ITGA8: variants seen among roughly 807,000 people sequenced by gnomAD.
ITGA8 encodes the protein integrin alpha-8.
ITGA8 carries 91 observed loss-of-function variants against 142.3 expected under a neutral mutation model. The observed-to-expected ratio is 0.64, with a 90% CI of 0.54 to 0.76. The LOEUF is 0.76. Among genes scored for constraint, ITGA8 ranks in the 30% least tolerant of loss-of-function variants. The probability of loss-of-function intolerance (pLI) is 0.00; values close to 1 mark genes in which losing one functional copy is unlikely to be tolerated. For synonymous variants in ITGA8, 505 were observed against 485.2 expected (o/e 1.04, Z -0.54); for missense variants, 1,406 against 1,327.7 (o/e 1.06, Z -0.92).
At position 15,659,426 on chromosome 10, in the gene ITGA8, C is replaced by A. The variant is rs149708639; in HGVS notation, c.892-371G>T. On this transcript the variant is annotated intron_variant, in intron 9 of 29. Coordinates refer to ENST00000378076, the MANE Select transcript of ITGA8 (RefSeq NM_003638.3). Reference sequence around the variant, plus strand: ...ATAAATTGATCATTATGGTTCTTTGCAAGAAAAATTAGATTTTAAAATGCT... The same window carrying A: ...ATAAATTGATCATTATGGTTCTTTGAAAGAAAAATTAGATTTTAAAATGCT... 7.8e-4 allele frequency among the ~76,000 whole-genome samples: 119 copies of A among 152,214 alleles called. 2 individuals carry two copies. In the East Asian group the frequency reaches 0.022, roughly 28 times the overall value.
At chr10:15,626,600 G>A (rs901931396) in intron 13 of ITGA8, among the ~76,000 whole-genome samples, 5 of 152,062 alleles carry the variant, frequency 3.3e-5, no homozygotes, top group South Asian at 4.1e-4. Flanking sequence ...TTCCCTTGTC[G>A]TGAAACAATG....
At chr10:15,674,140 G>A (rs1415957736) in intron 6 of ITGA8, among the ~76,000 whole-genome samples, 1 of 152,052 alleles carries the variant, frequency 6.6e-6, no homozygotes, top group Non-Finnish European at 1.5e-5. Flanking sequence ...AAGTGACTGG[G>A]ACTTGAAATG....
At position 15,597,702 on chromosome 10, in the gene ITGA8, A is replaced by G. The variant is rs546023982; in HGVS notation, c.2119-403T>C. On this transcript the variant is annotated intron_variant, in intron 20 of 29. Coordinates refer to ENST00000378076, the MANE Select transcript of ITGA8 (RefSeq NM_003638.3). ...ATGATCATAATGTGTATAGATTATC[A>G]TATGATTCAATGACCATTTGCCAGA... Among the ~76,000 whole-genome samples the G allele has an allele frequency of 3.9e-5, 6 of 152,336 alleles. No homozygotes were observed. The East Asian group carries it at 1.2e-3, about 29-fold the overall frequency.
At chr10:15,684,156 A>AT (rs1279157025) in intron 3 of ITGA8, 29 bp from the exon 4 acceptor site, 3 of 1,594,634 alleles carry the variant, frequency 1.9e-6, no homozygotes, top group Admixed American at 3.7e-5. Flanking sequence ...AAAAAAATAC[A>AT]TTTTTGATGT....
chr10:15,639,349 G>C (rs1833828537), intron 13 of ITGA8, among the ~76,000 whole-genome samples: 1 of 152,158 alleles, frequency 6.6e-6, no homozygotes, highest in African/African-American at 2.4e-5. Context: ...GAGCCGCCAA[G>C]AATCTAGGGT....
intron 20 of ITGA8, among the ~76,000 whole-genome samples, chr10:15,603,041 T>G (rs182740583): frequency 5.8e-4 from 88 of 152,258 alleles, no homozygotes; most frequent in African/African-American, 1.9e-3. Flanking sequence ...TGGAGTTTTT[T>G]TTTTCTTATA....
At chr10:15,697,550 T>C (rs1835080297) in intron 2 of ITGA8, among the ~76,000 whole-genome samples, 1 of 152,220 alleles carries the variant, frequency 6.6e-6, no homozygotes, top group South Asian at 2.1e-4. Context: ...AAGGACTAGA[T>C]AAATGTCTTA....
intron 27 of ITGA8, among the ~76,000 whole-genome samples, chr10:15,547,395 A>G (rs891126060): frequency 3.3e-5 from 5 of 152,196 alleles, no homozygotes; most frequent in African/African-American, 1.2e-4. Flanking sequence ...AATGTGGCAA[A>G]ACCCCATCTC....
Position 15,531,041 on chromosome 10 carries a change from G to T in ITGA8, c.2982+9C>A, listed in dbSNP as rs1407702762. On this transcript the variant is annotated intron_variant, in intron 28 of 29. Coordinates refer to ENST00000378076, the MANE Select transcript of ITGA8 (RefSeq NM_003638.3). ...TTATTTGTGCCTATATATATTTAAAGATACTCACTACTATGCTTCCTTCTG... is the reference window on the plus strand; with the variant it reads ...TTATTTGTGCCTATATATATTTAAATATACTCACTACTATGCTTCCTTCTG... 4 of 1,284,282 alleles carry T rather than the reference G, an allele frequency of 3.1e-6. No homozygotes were observed. Among genetic ancestry groups the T allele is most frequent in the Non-Finnish European group, 4.4e-6 (4 of 905,180 alleles). The allele number at this position is 1,284,282 out of a possible 1,614,324, so 79.6% of individuals were successfully genotyped here. A position where few individuals can be genotyped will look rare whatever the true frequency, so the allele number is the denominator to read the frequency against.
intron 26 of ITGA8, 25 bp from the exon 27 acceptor site, chr10:15,548,593 C>T: frequency 6.8e-7 from 1 of 1,473,768 alleles, no homozygotes; most frequent in Non-Finnish European, 9.5e-7. Flanking sequence ...GGGAACACGT[C>T]AGAGTCTTTA....
At position 15,691,147 on chromosome 10, in the gene ITGA8, C is replaced by T. The variant is rs1834927212; in HGVS notation, c.344-3109G>A. On this transcript the variant is annotated intron_variant, in intron 2 of 29. Coordinates refer to ENST00000378076, the MANE Select transcript of ITGA8 (RefSeq NM_003638.3). Reference sequence around the variant, plus strand: ...CAAATTAAACCTCTGTAAGACATCACTTGACCCGTGTTAGCAGGGCTATTA... The same window carrying T: ...CAAATTAAACCTCTGTAAGACATCATTTGACCCGTGTTAGCAGGGCTATTA... Among the ~76,000 whole-genome samples, 3 of 152,166 alleles carry T rather than the reference C, an allele frequency of 2.0e-5. No individual in the cohort carries two copies. In the South Asian group the frequency reaches 6.2e-4, roughly 32 times the overall value.
At chr10:15,678,066 C>T (rs904600484) in intron 5 of ITGA8, among the ~76,000 whole-genome samples, 1 of 152,158 alleles carries the variant, frequency 6.6e-6, no homozygotes, top group Non-Finnish European at 1.5e-5. Flanking sequence ...GTGCCACCCC[C>T]TTCTCAGGAG....
rs574139398 is a variant in ITGA8 at position 15,591,733 on chromosome 10, G to A, written c.2291+492C>T. 2.6e-5 allele frequency among the ~76,000 whole-genome samples: 4 copies of A among 152,244 alleles called. No homozygotes were observed. The East Asian group carries it at 7.7e-4, about 29-fold the overall frequency. On this transcript the variant is annotated intron_variant, in intron 22 of 29. Coordinates refer to ENST00000378076, the MANE Select transcript of ITGA8 (RefSeq NM_003638.3). Reference sequence around the variant, plus strand: ...GCTCTGCTTATCATTGCTAGAGAAGGGCTTGCCCTCAAAATGGAGTATCTC... The same window carrying A: ...GCTCTGCTTATCATTGCTAGAGAAGAGCTTGCCCTCAAAATGGAGTATCTC...
intron 28 of ITGA8, among the ~76,000 whole-genome samples, chr10:15,525,884 T>G (rs1188187806): frequency 6.6e-6 from 1 of 152,136 alleles, no homozygotes; most frequent in Non-Finnish European, 1.5e-5. Context: ...TTACTAAGTC[T>G]CCAAAATCCA....
intron 20 of ITGA8, among the ~76,000 whole-genome samples, chr10:15,602,387 CTTAT>C (rs955569416): frequency 3.3e-5 from 5 of 152,004 alleles, no homozygotes; most frequent in Admixed American, 6.6e-5. Flanking sequence ...TTCCTTTATT[CTTAT>C]TTATTTTTAT....
chr10:15,579,758 C>G (rs1189920762), intron 23 of ITGA8, among the ~76,000 whole-genome samples: 1 of 151,870 alleles, frequency 6.6e-6, no homozygotes. Flanking sequence ...GTAAATCAAA[C>G]AAGTCACTTC....
chr10:15,605,851 C>A (rs1476881536), intron 18 of ITGA8, 60 bp from the exon 19 acceptor site: 2 of 1,485,064 alleles, frequency 1.3e-6, no homozygotes, highest in African/African-American at 1.4e-5. Context: ...CATCCTTTTT[C>A]TTGAAAATTC....
chr10:15,543,217 C>T (rs758845348), intron 27 of ITGA8, among the ~76,000 whole-genome samples: 1 of 152,156 alleles, frequency 6.6e-6, no homozygotes, highest in African/African-American at 2.4e-5. Flanking sequence ...GAACTGAGCT[C>T]CTGCATCCTG....
intron 24 of ITGA8, among the ~76,000 whole-genome samples, chr10:15,575,112 C>T (rs893680681): frequency 6.6e-6 from 1 of 152,044 alleles, no homozygotes; most frequent in African/African-American, 2.4e-5. Flanking sequence ...GGTTGATGTC[C>T]TTTAAAATGC....
Sources: gnomAD v4.1 joint callset for allele counts (sites outside exome capture counted in the v4.1 genomes callset) on GRCh38, gnomAD v4.1.1 for gene constraint, MANE v1.5 for transcripts, NCBI Gene and HGNC (gene_info 2026-07-23, HGNC 2026-07-21) for gene names.